Variants in GPC5 observed in about 807,000 individuals in gnomAD.
GPC5 encodes glypican 5, also known as glypican-5.
Under a neutral mutation model 53.9 loss-of-function variants are expected in GPC5, and 47 were observed. The observed-to-expected ratio is 0.87, with a 90% CI of 0.69 to 1.11. The LOEUF (loss-of-function observed/expected upper bound fraction) is 1.11, where lower values mean the gene tolerates loss of function less well. GPC5 is among the 50% of genes most tolerant of loss of function. The pLI is 0.00. For synonymous variants in GPC5, 286 were observed against 263.3 expected, an observed-to-expected ratio of 1.09 and a Z score of -0.84; for missense variants, 748 against 713.1, an observed-to-expected ratio of 1.05 and a Z score of -0.56.
chr13:92,078,682 C>T (rs1401504314), intron 6 of GPC5, among the ~76,000 whole-genome samples: 3 of 152,068 alleles, frequency 2.0e-5, no homozygotes, highest in South Asian at 2.1e-4. Flanking sequence ...CTTCCAATAC[C>T]TTCCTACCCA....
At chr13:92,463,994 T>C (rs898308741) in intron 7 of GPC5, among the ~76,000 whole-genome samples, 3 of 152,188 alleles carry the variant, frequency 2.0e-5, no homozygotes, top group African/African-American at 7.2e-5. Flanking sequence ...AGAATAGCTA[T>C]TATATGTTAG....
At chr13:91,554,561 C>A (rs77726124) in intron 2 of GPC5, among the ~76,000 whole-genome samples, 1 of 152,026 alleles carries the variant, frequency 6.6e-6, no homozygotes, top group Non-Finnish European at 1.5e-5. Flanking sequence ...CAAACGAATC[C>A]ACAGATCTGT....
chr13:91,988,635 C>T (rs1040593897), intron 6 of GPC5, among the ~76,000 whole-genome samples: 1 of 152,116 alleles, frequency 6.6e-6, no homozygotes, highest in Non-Finnish European at 1.5e-5. Flanking sequence ...GTATGCCAAG[C>T]TAGCACAATT....
intron 7 of GPC5, among the ~76,000 whole-genome samples, chr13:92,571,748 G>T (rs1883029675): frequency 6.6e-6 from 1 of 152,036 alleles, no homozygotes; most frequent in Admixed American, 6.6e-5. Flanking sequence ...ATTATTTCAA[G>T]GATTACTTTT....
At chr13:91,588,601 A>G (rs902628308) in intron 2 of GPC5, among the ~76,000 whole-genome samples, 1 of 152,130 alleles carries the variant, frequency 6.6e-6, no homozygotes, top group African/African-American at 2.4e-5. Flanking sequence ...TTATACCCTC[A>G]AATTTAAATT....
At chr13:91,817,024 A>G (rs1363015667) in intron 5 of GPC5, among the ~76,000 whole-genome samples, 1 of 152,196 alleles carries the variant, frequency 6.6e-6, no homozygotes, top group Non-Finnish European at 1.5e-5. Flanking sequence ...TTGTTCTGGA[A>G]GTCTATTATT....
At chr13:91,541,145 A>G (rs1014464464) in intron 2 of GPC5, among the ~76,000 whole-genome samples, 2 of 152,208 alleles carry the variant, frequency 1.3e-5, no homozygotes, top group South Asian at 2.1e-4. Context: ...GCTCATTCAC[A>G]TGATTAAAAT....
Position 91,865,069 on chromosome 13 carries a change from A to G in GPC5, c.1281-42868A>G, listed in dbSNP as rs563761823. On this transcript the variant is annotated intron_variant, in intron 5 of 7. Coordinates refer to ENST00000377067, the MANE Select transcript of GPC5 (RefSeq NM_004466.6). ...TGGGACTACAGGCATGTGACACCACACCCGGCTAATTTTGTATTTTTAGTA... is the reference window on the plus strand; with the variant it reads ...TGGGACTACAGGCATGTGACACCACGCCCGGCTAATTTTGTATTTTTAGTA... 1.5e-3 allele frequency among the ~76,000 whole-genome samples: 223 copies of G among 151,700 alleles called. 2 individuals are homozygous for G. The South Asian group carries it at 0.015, about 10-fold the overall frequency.
At chr13:92,613,251 T>A (rs1884500087) in intron 7 of GPC5, among the ~76,000 whole-genome samples, 1 of 127,916 alleles carries the variant, frequency 7.8e-6, no homozygotes, top group East Asian at 2.1e-4. Context: ...ATATATAATT[T>A]ATATATAATA....
At chr13:92,527,182 GA>G (rs1393097189) in intron 7 of GPC5, among the ~76,000 whole-genome samples, 1,667 of 45,020 alleles carry the variant, frequency 0.037, 247 homozygotes, top group Non-Finnish European at 0.056. Context: ...GAGAAAGAAA[GA>G]AGAAAGAAAG....
chr13:91,706,955 T>C (rs2036119019), intron 3 of GPC5, among the ~76,000 whole-genome samples: 1 of 151,892 alleles, frequency 6.6e-6, no homozygotes, highest in African/African-American at 2.4e-5. Flanking sequence ...AATATAAAAA[T>C]TGAAGATGAA....
intron 7 of GPC5, among the ~76,000 whole-genome samples, chr13:92,387,559 G>A (rs9523661): frequency 0.5 from 75,215 of 151,818 alleles, 18,933 homozygotes; most frequent in East Asian, 0.54. Flanking sequence ...TTAATGTTGC[G>A]TCAAAAGAGC....
At chr13:92,159,280 G>A (rs1868552459) in intron 7 of GPC5, among the ~76,000 whole-genome samples, 1 of 152,232 alleles carries the variant, frequency 6.6e-6, no homozygotes, top group African/African-American at 2.4e-5. Context: ...ACTTCGTCTG[G>A]TTTCTTTTCT....
intron 7 of GPC5, among the ~76,000 whole-genome samples, chr13:92,554,417 C>A (rs116699725): frequency 6.6e-6 from 1 of 151,262 alleles, no homozygotes; most frequent in Non-Finnish European, 1.5e-5. Context: ...AATAAGCCAA[C>A]CACATCATAC....
chr13:92,474,276 G>A (rs1469040354), intron 7 of GPC5, among the ~76,000 whole-genome samples: 2 of 151,840 alleles, frequency 1.3e-5, no homozygotes, highest in Non-Finnish European at 1.5e-5. Context: ...CTTCCTGTTT[G>A]CATAGATTGT....
intron 7 of GPC5, among the ~76,000 whole-genome samples, chr13:92,780,044 A>G (rs916864905): frequency 2.0e-5 from 3 of 152,026 alleles, no homozygotes; most frequent in African/African-American, 7.2e-5. Flanking sequence ...CATCTCTACC[A>G]CAGGTAGATT....
intron 6 of GPC5, among the ~76,000 whole-genome samples, chr13:92,031,359 T>G (rs1409238458): frequency 6.6e-6 from 1 of 152,020 alleles, no homozygotes; most frequent in Non-Finnish European, 1.5e-5. Flanking sequence ...AAAACCAAAC[T>G]TTTTCATGTA....
intron 7 of GPC5, among the ~76,000 whole-genome samples, chr13:92,512,234 A>ATGTGTGTGTG (rs1555339433): frequency 6.7e-6 from 1 of 148,714 alleles, no homozygotes; most frequent in Non-Finnish European, 1.5e-5. Context: ...TGTAGATTGT[A>ATGTGTGTGTG]TGTGTGTGTG....
chr13:92,161,428 C>T (rs2041987205), intron 7 of GPC5, among the ~76,000 whole-genome samples: 1 of 152,132 alleles, frequency 6.6e-6, no homozygotes, highest in Non-Finnish European at 1.5e-5. Context: ...ATCTCTAAGA[C>T]ACATCTTAAT....
Sources: gnomAD v4.1 joint callset for allele counts (sites outside exome capture counted in the v4.1 genomes callset) on GRCh38, gnomAD v4.1.1 for gene constraint, MANE v1.5 for transcripts, NCBI Gene and HGNC (gene_info 2026-07-23, HGNC 2026-07-21) for gene names.